The following DZIP3 variants were observed in gnomAD, a reference collection of about 807,000 sequenced individuals.
The protein encoded by DZIP3 is DAZ interacting zinc finger protein 3, also known as E3 ubiquitin-protein ligase DZIP3.
A neutral mutation model predicts 162.0 loss-of-function variants in DZIP3; 118 were observed. That is an observed-to-expected ratio of 0.73 (90% CI 0.63 to 0.85). DZIP3 has a LOEUF of 0.85. Ranked by LOEUF, DZIP3 falls within the 40% of genes least tolerant of loss-of-function variation. The probability of loss-of-function intolerance (pLI) is 0.00; values close to 1 mark genes in which losing one functional copy is unlikely to be tolerated. For synonymous variants in DZIP3, 438 were observed against 458.6 expected (o/e 0.96, Z 0.57); for missense variants, 1,331 against 1,407.0 (o/e 0.95, Z 0.86).
chr3:108,658,501 G>T (rs1446996238), intron 19 of DZIP3, among the ~76,000 whole-genome samples: 104 of 152,138 alleles, frequency 6.8e-4, no homozygotes, highest in Admixed American at 1.6e-3. Flanking sequence ...GTGTGTAGAG[G>T]GAAATTTGTA....
intron 8 of DZIP3, among the ~76,000 whole-genome samples, chr3:108,631,055 A>ACACACACACACTCTCTCTCTCTCTCT: frequency 2.2e-4 from 4 of 18,010 alleles, no homozygotes; most frequent in East Asian, 2.5e-3. Context: ...ACACACACAC[A>ACACACACACACTCTCTCTCTCTCTCT]CTCTCTCTCT....
rs529141932 is a variant in DZIP3, at chr3:108,621,165, C to T, written c.376-3279C>T. 4.3e-4 allele frequency among the ~76,000 whole-genome samples: 66 copies of T among 151,774 alleles called. No homozygotes were observed. In the South Asian group the frequency reaches 9.0e-3, roughly 21 times the overall value. On this transcript the variant is annotated intron_variant, in intron 5 of 32. Transcript: ENST00000361582. The stretch of plus-strand genomic sequence containing the variant: ...GGTGGATGGTAGATACTTCAGTGTT[C>T]GTTATATTATTATTTAATGTGTTCT...
chr3:108,664,993 G>A (rs9862810), intron 21 of DZIP3, among the ~76,000 whole-genome samples: 45,434 of 152,008 alleles, frequency 0.3, 7,335 homozygotes, highest in East Asian at 0.45. Context: ...TTTACATTAT[G>A]CCTCAACAGG....
At chr3:108,683,501 T>G (rs1035222629) in intron 26 of DZIP3, among the ~76,000 whole-genome samples, 22 of 152,194 alleles carry the variant, frequency 1.4e-4, no homozygotes, top group Admixed American at 2.6e-4. Flanking sequence ...ATGCCAGTAG[T>G]AGGGCTGGCA....
intron 24 of DZIP3, 59 bp downstream of exon 24, chr3:108,674,240 A>G: frequency 7.2e-7 from 1 of 1,381,566 alleles, no homozygotes; most frequent in African/African-American, 1.4e-5. Context: ...AAGTGTCTCC[A>G]CGGTTGAATA....
chr3:108,641,296 TTC>T (rs1483666199), intron 12 of DZIP3, among the ~76,000 whole-genome samples: 3 of 152,196 alleles, frequency 2.0e-5, no homozygotes, highest in African/African-American at 7.2e-5. Flanking sequence ...GTTTAATTTT[TTC>T]TGTTTTGAAC....
rs577914423 is a variant in DZIP3, at chr3:108,694,215, C to T, written c.*862C>T. 2.0e-5 allele frequency: 3 copies of T among 151,892 alleles called. No homozygotes were observed. Among genetic ancestry groups the T allele is most frequent in the South Asian group, 2.1e-4 (1 of 4,810 alleles). The allele number at this position is 151,892 out of a possible 1,614,324, so 9.4% of individuals were successfully genotyped here. ...TCTGTTTCTGTAACTGTATGTTAAACGTATTCTTCTGTAATGAGAATAGAC... is the reference window on the plus strand; with the variant it reads ...TCTGTTTCTGTAACTGTATGTTAAATGTATTCTTCTGTAATGAGAATAGAC... On this transcript the variant is annotated 3_prime_UTR_variant, in exon 33 of 33. Transcript: ENST00000361582.
chr3:108,611,443 A>C, intron 4 of DZIP3, 114 bp downstream of exon 4: 1 of 1,292,282 alleles, frequency 7.7e-7, no homozygotes, highest in East Asian at 2.6e-5. Context: ...AAAAATCTCC[A>C]TCTTACTTCT....
intron 5 of DZIP3, among the ~76,000 whole-genome samples, chr3:108,621,411 C>T (rs1284779653): frequency 6.6e-6 from 1 of 152,130 alleles, no homozygotes; most frequent in African/African-American, 2.4e-5. Flanking sequence ...CTATCCATCA[C>T]CTCAAGCATT....
intron 5 of DZIP3, among the ~76,000 whole-genome samples, chr3:108,619,672 ACATTG>A (rs1559731811): frequency 6.6e-6 from 1 of 152,166 alleles, no homozygotes; most frequent in Non-Finnish European, 1.5e-5. Flanking sequence ...ATGCCCACCT[ACATTG>A]GAGAGGGCAA....
chr3:108,688,475 C>A (rs1382204843), intron 29 of DZIP3, 118 bp from the exon 30 acceptor site: 1 of 1,173,900 alleles, frequency 8.5e-7, no homozygotes, highest in Non-Finnish European at 1.2e-6. Flanking sequence ...AGATTTCTCA[C>A]AAATCTGATT....
chr3:108,647,712 A>G (rs781392406), intron 15 of DZIP3, among the ~76,000 whole-genome samples: 4 of 152,216 alleles, frequency 2.6e-5, no homozygotes, highest in South Asian at 2.1e-4. Flanking sequence ...CTAAGATTCC[A>G]GTAGGTAACA....
chr3:108,684,177 G>T, intron 26 of DZIP3, 39 bp from the exon 27 acceptor site: 2 of 1,560,280 alleles, frequency 1.3e-6, no homozygotes, highest in Non-Finnish European at 8.7e-7. Flanking sequence ...ATATGTGGGG[G>T]GGGGTGTTGT....
At position 108,638,918 on chromosome 3, in the gene DZIP3, T is replaced by C. The variant is rs543984661; in HGVS notation, c.1064+1370T>C. ...TTAACCTTGTACACAGCTGAACTCA[T>C]TCGTGCCATCTCTTGTCACTGTACT... On this transcript the variant is annotated intron_variant, in intron 12 of 32. Coordinates refer to ENST00000361582, the MANE Select transcript of DZIP3 (RefSeq NM_014648.4). Among the ~76,000 whole-genome samples the C allele has an allele frequency of 9.8e-5, 15 of 152,358 alleles. No individual in the cohort carries two copies. The South Asian group carries it at 2.9e-3, about 29-fold the overall frequency.
chr3:108,690,600 C>T (rs1321344647), intron 31 of DZIP3, among the ~76,000 whole-genome samples, 187 bp from the exon 32 acceptor site: 1 of 152,170 alleles, frequency 6.6e-6, no homozygotes, highest in Non-Finnish European at 1.5e-5. Context: ...TGTGCAGTTA[C>T]CACCTATTTT....
intron 19 of DZIP3, among the ~76,000 whole-genome samples, chr3:108,655,374 ACTGT>A (rs1292433971): frequency 6.6e-6 from 1 of 152,152 alleles, no homozygotes; most frequent in African/African-American, 2.4e-5. Context: ...TCCTCCACTT[ACTGT>A]CTATGTGATT....
chr3:108,694,271 A>T lies in DZIP3; in HGVS notation c.*918A>T, dbSNP rs1235917105. ...CATGTGAGGGAAAAATATTTAAAAA[A>T]AGATGGCAGTCATCTAGACATGTAA... On this transcript the variant is annotated 3_prime_UTR_variant, in exon 33 of 33. Coordinates refer to ENST00000361582, the MANE Select transcript of DZIP3 (RefSeq NM_014648.4). 6.6e-6 allele frequency: 1 copy of T among 152,194 alleles called. No homozygotes were observed. 9.4% of individuals were successfully genotyped at this position (152,194 alleles called of 1,614,324 possible). A position where few individuals can be genotyped will look rare whatever the true frequency, so the allele number is the denominator to read the frequency against.
intron 12 of DZIP3, 126 bp downstream of exon 12, chr3:108,637,674 C>T: frequency 2.0e-6 from 1 of 497,948 alleles, no homozygotes; most frequent in Non-Finnish European, 3.2e-6. Flanking sequence ...GTGAAAAAAT[C>T]ATATTTAATT....
At chr3:108,607,120 T>C (rs1036346557) in intron 2 of DZIP3, among the ~76,000 whole-genome samples, 5 of 152,182 alleles carry the variant, frequency 3.3e-5, no homozygotes, top group Admixed American at 6.5e-5. Context: ...GACAGGTTTC[T>C]TTTTACCGTG....
Sources: allele counts gnomAD v4.1 joint callset (sites outside exome capture counted in the v4.1 genomes callset), GRCh38; gene constraint gnomAD v4.1.1; transcripts MANE v1.5; gene names NCBI Gene and HGNC (gene_info 2026-07-23, HGNC 2026-07-21).